Variants in GAREM1 observed in about 807,000 individuals in gnomAD.
GAREM1 encodes GRB2 associated regulator of MAPK1 subtype 1.
A neutral mutation model predicts 71.3 loss-of-function variants in GAREM1; 26 were observed. The observed-to-expected ratio is 0.36, with a 90% CI of 0.27 to 0.51. GAREM1 has a LOEUF of 0.51. GAREM1 is among the 20% of genes least tolerant of loss of function. The pLI, the probability that GAREM1 is intolerant of heterozygous loss-of-function variation, is 0.95. For synonymous variants in GAREM1, 440 were observed against 433.2 expected (o/e 1.02, Z -0.20); for missense variants, 1,026 against 1,103.1 (o/e 0.93, Z 0.99).
chr18:32,343,665 TATCA>T (rs2047669026), intron 2 of GAREM1, among the ~76,000 whole-genome samples: 1 of 152,188 alleles, frequency 6.6e-6, no homozygotes, highest in Non-Finnish European at 1.5e-5. Context: ...TACTTCATAT[TATCA>T]ATCTCATATA....
chr18:32,410,155 C>T (rs569711210), intron 1 of GAREM1, among the ~76,000 whole-genome samples: 8 of 152,144 alleles, frequency 5.3e-5, no homozygotes, highest in African/African-American at 9.7e-5. Flanking sequence ...TCATCTCAAG[C>T]TCTACTAGAC....
intron 1 of GAREM1, among the ~76,000 whole-genome samples, chr18:32,453,501 G>A (rs998593533): frequency 9.2e-5 from 14 of 152,042 alleles, no homozygotes; most frequent in South Asian, 4.1e-4. Flanking sequence ...TCCCTGCCTC[G>A]CCTAGCTTTT....
chr18:32,410,926 C>A (rs1599028378), intron 1 of GAREM1, among the ~76,000 whole-genome samples: 1 of 152,172 alleles, frequency 6.6e-6, no homozygotes, highest in South Asian at 2.1e-4. Context: ...CTTCAGCTTC[C>A]CAAGTAGATG....
intron 1 of GAREM1, among the ~76,000 whole-genome samples, chr18:32,467,418 T>G (rs1196569705): frequency 6.6e-6 from 1 of 152,196 alleles, no homozygotes; most frequent in Non-Finnish European, 1.5e-5. Context: ...GAGGTCAGTC[T>G]TCAGAGTCAG....
chr18:32,281,367 C>G (rs2046950114), intron 4 of GAREM1, among the ~76,000 whole-genome samples: 1 of 151,990 alleles, frequency 6.6e-6, no homozygotes, highest in Admixed American at 6.6e-5. Context: ...TAAATTTACT[C>G]TTTAAGTCCC....
chr18:32,352,375 G>T (rs926511066), intron 2 of GAREM1, among the ~76,000 whole-genome samples: 1 of 152,156 alleles, frequency 6.6e-6, no homozygotes, highest in African/African-American at 2.4e-5. Context: ...ATCCTGCCTC[G>T]CTGGCCTGAG....
chr18:32,408,598 C>T (rs2048387192), intron 1 of GAREM1, among the ~76,000 whole-genome samples: 1 of 152,156 alleles, frequency 6.6e-6, no homozygotes, highest in Non-Finnish European at 1.5e-5. Context: ...AAAGCCACTG[C>T]ACAGACTGTG....
chr18:32,460,395 T>C (rs578058834), intron 1 of GAREM1, among the ~76,000 whole-genome samples: 1 of 152,356 alleles, frequency 6.6e-6, no homozygotes, highest in African/African-American at 2.4e-5. Flanking sequence ...CATAAGGTCA[T>C]CAAAGCCCAC....
Position 32,317,686 on chromosome 18 carries a change from C to T in GAREM1, c.263-7363G>A, listed in dbSNP as rs1268205487. Among the ~76,000 whole-genome samples, 10 of 146,382 alleles carry T rather than the reference C, an allele frequency of 6.8e-5. No individual in the cohort carries two copies. The East Asian group carries it at 1.2e-3, about 18-fold the overall frequency. On this transcript the variant is annotated intron_variant, in intron 2 of 5. Coordinates refer to ENST00000269209, the MANE Select transcript of GAREM1 (RefSeq NM_001242409.2). ...ATAAAATTTCTATGAACTTTTATTT[C>T]GCTGTTGCTTTTTTTTTTTTTTTTT...
At chr18:32,377,129 C>A (rs1193065050) in intron 2 of GAREM1, among the ~76,000 whole-genome samples, 1 of 152,126 alleles carries the variant, frequency 6.6e-6, no homozygotes, top group Non-Finnish European at 1.5e-5. Context: ...GGACAATGAA[C>A]CTCCTCTTTA....
chr18:32,463,987 TAAA>T (rs558638151), intron 1 of GAREM1, among the ~76,000 whole-genome samples: 24 of 123,286 alleles, frequency 1.9e-4, no homozygotes, highest in East Asian at 2.5e-4. Context: ...AGTACGTGGT[TAAA>T]AAAAAAAAAA....
intron 2 of GAREM1, among the ~76,000 whole-genome samples, chr18:32,312,641 A>G (rs1480770797): frequency 2.0e-5 from 3 of 152,186 alleles, no homozygotes; most frequent in East Asian, 1.9e-4. Flanking sequence ...ACTGAGAGGA[A>G]GCAGAAGTGA....
chr18:32,297,117 G>A (rs562046201), intron 3 of GAREM1, among the ~76,000 whole-genome samples: 2 of 152,294 alleles, frequency 1.3e-5, no homozygotes, highest in South Asian at 2.1e-4. Context: ...CTGAGTAGCT[G>A]CAACAGTGAC....
chr18:32,448,902 T>C (rs2144288469), intron 1 of GAREM1, among the ~76,000 whole-genome samples: 1 of 152,316 alleles, frequency 6.6e-6, no homozygotes, highest in South Asian at 2.1e-4. Flanking sequence ...ATGGTTCTTT[T>C]TATTTCAATA....
chr18:32,317,393 C>CAAAA (rs35166372), intron 2 of GAREM1, among the ~76,000 whole-genome samples: 6 of 72,572 alleles, frequency 8.3e-5, no homozygotes, highest in African/African-American at 2.4e-4. Context: ...CGCTCTGTCA[C>CAAAA]AAAAAAAAAA....
rs185588307 is a variant in GAREM1 at position 32,436,195 on chromosome 18, G to A, written c.121+34113C>T. 1.4e-4 allele frequency among the ~76,000 whole-genome samples: 22 copies of A among 152,240 alleles called. No homozygotes were observed. In the East Asian group the frequency reaches 4.2e-3, roughly 29 times the overall value. The stretch of plus-strand genomic sequence containing the variant: ...ATGATGGAAGAGGTTTTAGATGAGC[G>A]CTCTCCTCACAAGAATTTCAGAGTT... On this transcript the variant is annotated intron_variant, in intron 1 of 5. Coordinates refer to ENST00000269209, the MANE Select transcript of GAREM1 (RefSeq NM_001242409.2).
chr18:32,458,717 A>G (rs773371982), intron 1 of GAREM1, among the ~76,000 whole-genome samples: 2 of 152,110 alleles, frequency 1.3e-5, no homozygotes, highest in African/African-American at 4.8e-5. Flanking sequence ...ATATTATTGG[A>G]GCTATTCTAC....
At chr18:32,414,216 G>T (rs534343154) in intron 1 of GAREM1, among the ~76,000 whole-genome samples, 2 of 152,056 alleles carry the variant, frequency 1.3e-5, no homozygotes, top group African/African-American at 2.4e-5. Flanking sequence ...GATCAGTACA[G>T]CTTGGCTCAA....
intron 2 of GAREM1, among the ~76,000 whole-genome samples, chr18:32,333,338 G>A (rs2047555904): frequency 1.3e-5 from 2 of 152,306 alleles, no homozygotes; most frequent in Non-Finnish European, 2.9e-5. Context: ...AAAGCTGGGA[G>A]AATGGAATGT....
Sources: allele counts gnomAD v4.1 joint callset (sites outside exome capture counted in the v4.1 genomes callset), GRCh38; gene constraint gnomAD v4.1.1; transcripts MANE v1.5; gene names NCBI Gene and HGNC (gene_info 2026-07-23, HGNC 2026-07-21).